MAX: variants seen among roughly 807,000 people sequenced by gnomAD.
MAX encodes the protein protein max.
MAX carries 3 observed loss-of-function variants against 22.3 expected under a neutral mutation model. The ratio of observed to expected loss-of-function variants is 0.13; its 90% CI spans 0.06 to 0.35. The LOEUF is 0.35. MAX is among the 10% of genes least tolerant of loss of function. The pLI, the probability that MAX is intolerant of heterozygous loss-of-function variation, is 1.00. For missense variants in MAX, 119 were observed against 209.4 expected, an observed-to-expected ratio of 0.57 and a Z score of 2.66; for synonymous variants, 72 against 77.7, an observed-to-expected ratio of 0.93 and a Z score of 0.39.
In MAX at chr14:65,055,497, T is replaced by C. The variant is rs117576471; in HGVS notation, c.171+38211A>G. Among the ~76,000 whole-genome samples the C allele has an allele frequency of 8.7e-4, 133 of 152,152 alleles. 1 individual carries two copies. In the East Asian group the frequency reaches 0.021, roughly 24 times the overall value. ...GTCATTGTAACCTTCCTTTTTTGTTTAAAAAAATTTTTTTTTTAATTTTTA... is the reference window on the plus strand; with the variant it reads ...GTCATTGTAACCTTCCTTTTTTGTTCAAAAAAATTTTTTTTTTAATTTTTA... On this transcript the variant is annotated intron_variant, in intron 3 of 3. Coordinates refer to the MAX transcript ENST00000341653.
intron 3 of MAX, among the ~76,000 whole-genome samples, chr14:65,065,622 A>G (rs1462482850): frequency 6.6e-6 from 1 of 152,238 alleles, no homozygotes; most frequent in Non-Finnish European, 1.5e-5. Context: ...GAAAAGGTAC[A>G]GTAAAAATAC....
intron 3 of MAX, among the ~76,000 whole-genome samples, chr14:65,033,638 A>G (rs929818483): frequency 3.3e-5 from 5 of 152,228 alleles, no homozygotes; most frequent in Admixed American, 2.0e-4. Flanking sequence ...CAAGCGGATC[A>G]TGAGGTCAGG....
chr14:65,053,476 G>A, intron 3 of MAX: 2 of 812,694 alleles, frequency 2.5e-6, no homozygotes, highest in Non-Finnish European at 3.3e-6. Flanking sequence ...CATAGCGCTA[G>A]GTTGTATGGG....
Position 65,032,648 on chromosome 14 carries a change from ACAT to A in MAX, c.172-26367_172-26365del. ...GCTGCCTCCGTAGCCTCGCTGACCA[ACAT>A]CATCACTCCAGACCTCTTTGAGGGC... On this transcript the variant is annotated intron_variant, in intron 3 of 3. Transcript: ENST00000341653. The surrounding 1 kb of genome is among the most constrained non-coding windows in gnomAD (Gnocchi z 5.0). 1 of 1,613,954 alleles carries A rather than the reference ACAT, an allele frequency of 6.2e-7. No individual in the cohort carries two copies. The highest frequency in any genetic ancestry group is 8.5e-7 in the Non-Finnish European group (1 of 1,180,000).
intron 2 of MAX, among the ~76,000 whole-genome samples, chr14:65,099,144 GA>G (rs2063754736): frequency 6.6e-6 from 1 of 151,970 alleles, no homozygotes; most frequent in African/African-American, 2.4e-5. Flanking sequence ...TGCATTCACA[GA>G]GGGGAAAAAA....
chr14:65,100,281 C>A (rs377460485), intron 2 of MAX, among the ~76,000 whole-genome samples: 100 of 152,122 alleles, frequency 6.6e-4, no homozygotes, highest in African/African-American at 2.3e-3. Context: ...GAAACCCCGT[C>A]TCTACTAAAA....
chr14:65,022,168 G>C (rs1210732359), intron 3 of MAX: 9 of 427,666 alleles, frequency 2.1e-5, no homozygotes, highest in Non-Finnish European at 3.8e-5. Flanking sequence ...GTTTTAGTTA[G>C]TACGAGAACA....
In MAX at chr14:65,028,995, A is replaced by G. The variant is rs909375711; in HGVS notation, c.172-22711T>C. 9.9e-5 allele frequency among the ~76,000 whole-genome samples: 15 copies of G among 152,150 alleles called. No homozygotes were observed. Among genetic ancestry groups the G allele is most frequent in the African/African-American group, 3.6e-4 (15 of 41,450 alleles). The stretch of plus-strand genomic sequence containing the variant: ...CCTTTTGCAGCTGTGATTATTTGCT[A>G]TCTTATTCATTCCAGCACTTTTTTT... On this transcript the variant is annotated intron_variant, in intron 3 of 3. Transcript: ENST00000341653. The surrounding 1 kb of genome is among the most constrained non-coding windows in gnomAD (Gnocchi z 4.4).
At chr14:65,060,942 G>C (rs112078963) in intron 3 of MAX, among the ~76,000 whole-genome samples, 1 of 143,384 alleles carries the variant, frequency 7.0e-6, no homozygotes, top group African/African-American at 2.6e-5. Context: ...ATAATATGTT[G>C]TAAGTATTTG....
In MAX at chr14:65,076,645, G is replaced by A. The variant is rs769051095; in HGVS notation, c.314C>T (p.Ala105Val). The change falls in exon 5 of 5, where the codon GCG becomes GTG. Residue 105 changes from alanine (A) to valine (V), a missense_variant. Transcript: ENST00000358664. The surrounding 1 kb of genome is among the most constrained non-coding windows in gnomAD (Gnocchi z 6.6). ...LEQQVRALEK[A>V]RSSAQLQTNY... is the part of the protein sequence containing the mutation. ...GGTCTGCAGTTGGGCACTTGACCTC[G>A]CCTTCTCCAGTGCACGGACTAAAAG... is the stretch of plus-strand genomic sequence containing the variant. 1.1e-5 allele frequency: 18 copies of A among 1,614,046 alleles called. No individual in the cohort carries two copies. Among genetic ancestry groups the A allele is most frequent in the East Asian group, 4.5e-5 (2 of 44,890 alleles).
chr14:65,037,402 CCTTTTTTTTTTTTTTTTTTTTTTTTTT>C (rs1173222800), intron 3 of MAX, among the ~76,000 whole-genome samples: 27 of 14,534 alleles, frequency 1.9e-3, no homozygotes, highest in African/African-American at 4.1e-3. Context: ...CACGCCGGGC[CCTTTTTTTTTTTTTTTTTTTTTTTTTT>C]TTTTTTTTTT....
rs776586401 is a variant in MAX, at chr14:65,077,883, G to T, written c.295+30C>A. 1 of 1,614,210 alleles carries T rather than the reference G, an allele frequency of 6.2e-7. No homozygotes were observed. Among genetic ancestry groups the T allele is most frequent in the Admixed American group, 1.7e-5 (1 of 60,034 alleles). ...CCTGACCTGGCTGGAGCACAGCAGG[G>T]CCAGCTGCCCCACGAGCTCGGGTGC... On this transcript the variant is annotated intron_variant, in intron 4 of 4. Transcript: ENST00000358664. This position sits in a 1 kb window ranked among gnomAD's most constrained non-coding sequence, Gnocchi z 6.3.
chr14:65,077,809 A>G lies in MAX; in HGVS notation c.295+104T>C, dbSNP rs1355373885. The G allele has an allele frequency of 6.2e-7, 1 of 1,614,124 alleles. No homozygotes were observed. Reference sequence around the variant, plus strand: ...AGAAGCAGGACCAAGCCTGCTACTGAGCACATACTCCATGACTGGCTCTGA... The same window carrying G: ...AGAAGCAGGACCAAGCCTGCTACTGGGCACATACTCCATGACTGGCTCTGA... On this transcript the variant is annotated intron_variant, in intron 4 of 4. Coordinates refer to ENST00000358664, the MANE Select transcript of MAX (RefSeq NM_002382.5). The surrounding 1 kb of genome is among the most constrained non-coding windows in gnomAD (Gnocchi z 6.3).
intron 3 of MAX, chr14:65,083,690 C>T: frequency 2.9e-6 from 3 of 1,033,466 alleles, no homozygotes; most frequent in Non-Finnish European, 3.5e-6. Context: ...GTCTTGTTCC[C>T]CTAAGAACCA....
At chr14:65,052,581 T>C (rs755432119) in intron 3 of MAX, among the ~76,000 whole-genome samples, 5 of 152,246 alleles carry the variant, frequency 3.3e-5, no homozygotes, top group Admixed American at 6.5e-5. Context: ...CCATAGTGAT[T>C]GGACTTCAGA....
rs754229565 is a variant in MAX, at chr14:65,012,375, A to G, written c.172-6091T>C. Reference sequence around the variant, plus strand: ...TCTGAAAAGAGGCCTTCGACAACTGACAGATGCCTATGAGGTAAACACATT... The same window carrying G: ...TCTGAAAAGAGGCCTTCGACAACTGGCAGATGCCTATGAGGTAAACACATT... On this transcript the variant is annotated intron_variant, in intron 3 of 3. Transcript: ENST00000341653. This position sits in a 1 kb window ranked among gnomAD's most constrained non-coding sequence, Gnocchi z 5.0. 6.2e-7 allele frequency: 1 copy of G among 1,614,164 alleles called. No individual in the cohort carries two copies. The highest frequency in any genetic ancestry group is 8.5e-7 in the Non-Finnish European group (1 of 1,179,992).
intron 1 of MAX, 200 bp from the exon 2 acceptor site, chr14:65,101,772 G>A (rs2063848874): frequency 5.0e-6 from 3 of 594,878 alleles, no homozygotes; most frequent in African/African-American, 1.9e-5. Flanking sequence ...GGGGTCCCGA[G>A]CGCCGCCCCT....
intron 3 of MAX, among the ~76,000 whole-genome samples, chr14:65,026,631 G>A (rs760156332): frequency 1.9e-4 from 29 of 152,248 alleles, no homozygotes; most frequent in Non-Finnish European, 1.2e-4. Context: ...AGGCTGCGGC[G>A]GGTGGATCAC....
At chr14:65,089,505 T>G (rs551733445) in intron 3 of MAX, among the ~76,000 whole-genome samples, 1 of 151,990 alleles carries the variant, frequency 6.6e-6, no homozygotes, top group South Asian at 2.1e-4. Context: ...CAAATGGCAA[T>G]GATGAAAATA....
Sources: gnomAD v4.1 joint callset for allele counts (sites outside exome capture counted in the v4.1 genomes callset) on GRCh38, gnomAD v4.1.1 for gene constraint, Gnocchi (gnomAD v3.1) non-coding constraint, MANE v1.5 for transcripts, NCBI Gene and HGNC (gene_info 2026-07-23, HGNC 2026-07-21) for gene names.